MAP4: variants seen among roughly 807,000 people sequenced by gnomAD.
MAP4 encodes microtubule associated protein 4, also known as microtubule-associated protein 4.
Under a neutral mutation model 170.2 loss-of-function variants are expected in MAP4, and 76 were observed. That is an observed-to-expected ratio of 0.45 (90% CI 0.37 to 0.54). MAP4 has a LOEUF of 0.54. Among genes scored for constraint, MAP4 ranks in the 20% least tolerant of loss-of-function variants. The pLI is 0.00. For synonymous variants in MAP4, 909 were observed against 994.5 expected (o/e 0.91, Z 1.62); for missense variants, 2,506 against 2,748.0 (o/e 0.91, Z 1.97).
At chr3:48,087,925 G>GT (rs970767137) in intron 1 of MAP4, among the ~76,000 whole-genome samples, 10 of 152,238 alleles carry the variant, frequency 6.6e-5, no homozygotes, top group African/African-American at 2.4e-4. Context: ...CGAGGAACAC[G>GT]TATTTCATCC....
At chr3:47,984,328 A>T (rs963062873) in intron 2 of MAP4, among the ~76,000 whole-genome samples, 1 of 152,118 alleles carries the variant, frequency 6.6e-6, no homozygotes, top group Non-Finnish European at 1.5e-5. Context: ...AAATGTGCAA[A>T]AGGGAATTTC....
chr3:48,069,714 G>C (rs1430928342), intron 1 of MAP4, among the ~76,000 whole-genome samples: 1 of 152,062 alleles, frequency 6.6e-6, no homozygotes, highest in Non-Finnish European at 1.5e-5. Context: ...GCTTGATAAA[G>C]AACAACTGTC....
At position 47,910,170 on chromosome 3, in the gene MAP4, G is replaced by A; in HGVS notation, c.4251C>T (p.Thr1417=). 2 of 1,613,886 alleles carry A rather than the reference G, an allele frequency of 1.2e-6. No individual in the cohort carries two copies. The highest frequency in any genetic ancestry group is 8.5e-7 in the Non-Finnish European group (1 of 1,179,870). Residue 1417 remains threonine (T), a synonymous_variant, in exon 9 of 21, where the codon ACC becomes ACT. Transcript: ENST00000683076. ...YMDENRNITF[T]CPRTPSELIN... ...TCAGCTCTGATGGTGTTCTGGGACA[G>A]GTAAATGTAATATTTCTATTTTCGT...
At chr3:48,003,608 T>C (rs1254159061) in intron 1 of MAP4, among the ~76,000 whole-genome samples, 1 of 152,206 alleles carries the variant, frequency 6.6e-6, no homozygotes, top group Non-Finnish European at 1.5e-5. Flanking sequence ...GAAGAGTCTA[T>C]GGCCCTTTTG....
intron 11 of MAP4, among the ~76,000 whole-genome samples, chr3:47,876,662 T>C (rs756412635): frequency 4.6e-5 from 7 of 152,148 alleles, no homozygotes; most frequent in African/African-American, 1.2e-4. Flanking sequence ...GATGGGACAA[T>C]AGCAGCCACA....
chr3:47,921,276 T>C (rs2100042698), intron 5 of MAP4, among the ~76,000 whole-genome samples: 1 of 152,226 alleles, frequency 6.6e-6, no homozygotes, highest in Non-Finnish European at 1.5e-5. Context: ...TCAAAGGTGA[T>C]GTGTGAAAGG....
chr3:48,035,017 A>T (rs2100118062), intron 1 of MAP4, among the ~76,000 whole-genome samples: 1 of 152,142 alleles, frequency 6.6e-6, no homozygotes, highest in Admixed American at 6.6e-5. Context: ...ACTGTCAAAA[A>T]AAATAACTTA....
intron 3 of MAP4, among the ~76,000 whole-genome samples, chr3:47,938,603 T>A (rs1158443825): frequency 6.6e-6 from 1 of 152,062 alleles, no homozygotes; most frequent in Non-Finnish European, 1.5e-5. Flanking sequence ...AGGCTGGCGT[T>A]GAACAACTGG....
chr3:48,011,081 C>T (rs543370690), intron 1 of MAP4, among the ~76,000 whole-genome samples: 87 of 152,248 alleles, frequency 5.7e-4, no homozygotes, highest in Middle Eastern at 3.4e-3. Flanking sequence ...AGCTTTGCTG[C>T]CAAAGGGGCT....
At chr3:48,029,765 C>T (rs928104528) in intron 1 of MAP4, among the ~76,000 whole-genome samples, 6 of 151,582 alleles carry the variant, frequency 4.0e-5, no homozygotes, top group East Asian at 1.9e-4. Context: ...TTTGGGAGGC[C>T]GAGGTGGGAG....
chr3:47,899,530 C>T (rs1286864916), intron 10 of MAP4, among the ~76,000 whole-genome samples: 1 of 152,180 alleles, frequency 6.6e-6, no homozygotes, highest in Non-Finnish European at 1.5e-5. Context: ...AATACTCTAT[C>T]TCTTTTTAGA....
intron 17 of MAP4, among the ~76,000 whole-genome samples, chr3:47,858,651 T>G (rs2060743674): frequency 6.7e-6 from 1 of 149,834 alleles, no homozygotes; most frequent in Non-Finnish European, 1.5e-5. Flanking sequence ...TGTGTAATCA[T>G]AGTATTCCTG....
intron 10 of MAP4, among the ~76,000 whole-genome samples, chr3:47,897,364 TG>T (rs1294243737): frequency 6.6e-6 from 1 of 152,098 alleles, no homozygotes; most frequent in African/African-American, 2.4e-5. Context: ...TGACCTCAGG[TG>T]ATCTGCCCAA....
rs986531099 is a variant in MAP4, at chr3:47,997,036, G to C, written c.223+1602C>G. Among the ~76,000 whole-genome samples the C allele has an allele frequency of 2.0e-5, 3 of 151,926 alleles. No individual in the cohort carries two copies. The South Asian group carries it at 6.2e-4, about 32-fold the overall frequency. On this transcript the variant is annotated intron_variant, in intron 2 of 20. Transcript: ENST00000683076. ...CAACTATGAAAAGATCAGGGAATTG[G>C]AAGATAGGTCAAAAGAAAGTACCCA...
At chr3:47,941,675 T>C (rs531228054) in intron 3 of MAP4, among the ~76,000 whole-genome samples, 2 of 150,138 alleles carry the variant, frequency 1.3e-5, no homozygotes, top group African/African-American at 4.9e-5. Flanking sequence ...TAATCCCAGC[T>C]ACTCAGGAGG....
chr3:48,070,950 G>A (rs1469526479), intron 1 of MAP4, among the ~76,000 whole-genome samples: 2 of 152,076 alleles, frequency 1.3e-5, no homozygotes, highest in East Asian at 1.9e-4. Flanking sequence ...ACTGGAGCCT[G>A]GGAGGTCAAG....
At chr3:47,887,687 C>T (rs188692779) in intron 10 of MAP4, among the ~76,000 whole-genome samples, 1 of 152,236 alleles carries the variant, frequency 6.6e-6, no homozygotes, top group Admixed American at 6.5e-5. Context: ...CTGGTGGGGA[C>T]GTGGAGAGTC....
chr3:48,047,235 G>T (rs1373392301), intron 1 of MAP4, among the ~76,000 whole-genome samples: 2 of 152,004 alleles, frequency 1.3e-5, no homozygotes, highest in African/African-American at 4.8e-5. Context: ...CGTCTGTAGA[G>T]TGCTTAGTCT....
chr3:48,027,169 T>C (rs969511711), intron 1 of MAP4, among the ~76,000 whole-genome samples: 1 of 152,224 alleles, frequency 6.6e-6, no homozygotes, highest in Non-Finnish European at 1.5e-5. Context: ...AACTCATAAA[T>C]GGTCATTGTT....
Sources: allele counts gnomAD v4.1 joint callset (sites outside exome capture counted in the v4.1 genomes callset), GRCh38; gene constraint gnomAD v4.1.1; transcripts MANE v1.5; gene names NCBI Gene and HGNC (gene_info 2026-07-23, HGNC 2026-07-21).